The following LDLRAD3 variants were observed in gnomAD, a reference collection of about 807,000 sequenced individuals.
LDLRAD3 encodes the protein low-density lipoprotein receptor class A domain-containing protein 3.
LDLRAD3 carries 20 observed loss-of-function variants against 29.4 expected under a neutral mutation model. That is an observed-to-expected ratio of 0.68 (90% confidence interval 0.48 to 0.99). The LOEUF (loss-of-function observed/expected upper bound fraction) is 0.99. Among genes scored for constraint, LDLRAD3 ranks in the 50% least tolerant of loss-of-function variants. The pLI is 0.00. For missense variants in LDLRAD3, 420 were observed against 454.3 expected, an observed-to-expected ratio of 0.92 and a Z score of 0.69; for synonymous variants, 157 against 192.7, an observed-to-expected ratio of 0.81 and a Z score of 1.53.
intron 1 of LDLRAD3, among the ~76,000 whole-genome samples, chr11:36,002,384 G>T (rs1851835892): frequency 6.6e-6 from 1 of 152,178 alleles, no homozygotes; most frequent in Admixed American, 6.5e-5. Context: ...ACTGCTTTGT[G>T]CATGTGTTGT....
At chr11:35,996,822 T>C (rs1196614884) in intron 1 of LDLRAD3, among the ~76,000 whole-genome samples, 1 of 152,188 alleles carries the variant, frequency 6.6e-6, no homozygotes, top group Non-Finnish European at 1.5e-5. Flanking sequence ...TGCCAGCCCC[T>C]GTGCACAGTG....
At chr11:36,216,175 G>A (rs553709002) in intron 4 of LDLRAD3, among the ~76,000 whole-genome samples, 1 of 152,294 alleles carries the variant, frequency 6.6e-6, no homozygotes, top group South Asian at 2.1e-4. Context: ...TAAGATAGTT[G>A]TCTCTCAGCT....
At chr11:36,066,829 C>G (rs1247394090) in intron 2 of LDLRAD3, among the ~76,000 whole-genome samples, 1 of 152,176 alleles carries the variant, frequency 6.6e-6, no homozygotes, top group African/African-American at 2.4e-5. Flanking sequence ...TCAATAGCCT[C>G]ATGATATCTT....
intron 4 of LDLRAD3, among the ~76,000 whole-genome samples, chr11:36,174,015 G>C (rs541593704): frequency 1.3e-5 from 2 of 152,258 alleles, no homozygotes; most frequent in East Asian, 3.9e-4. Context: ...CCAAAACAGA[G>C]ATACAGACCA....
intron 1 of LDLRAD3, among the ~76,000 whole-genome samples, chr11:36,032,666 A>G (rs1291940155): frequency 6.6e-5 from 10 of 152,068 alleles, no homozygotes; most frequent in Admixed American, 5.9e-4. Flanking sequence ...TCTCCCCATC[A>G]TGACAACCCA....
intron 1 of LDLRAD3, among the ~76,000 whole-genome samples, chr11:35,946,529 A>T (rs1289377612): frequency 6.6e-6 from 1 of 152,122 alleles, no homozygotes. Flanking sequence ...CTATTTTTTA[A>T]TGTATCCTGC....
chr11:36,217,508 G>A (rs528087814), intron 4 of LDLRAD3, among the ~76,000 whole-genome samples: 3 of 152,340 alleles, frequency 2.0e-5, no homozygotes, highest in African/African-American at 7.2e-5. Context: ...GGTATAGGGA[G>A]TATTTGGGCA....
In LDLRAD3 at chr11:36,130,433, C is replaced by T. The variant is rs1486442790; in HGVS notation, c.454+31972C>T. Among the ~76,000 whole-genome samples the T allele has an allele frequency of 2.0e-5, 3 of 152,156 alleles. 1 individual carries two copies. Among genetic ancestry groups the T allele is most frequent in the Non-Finnish European group, 4.4e-5 (3 of 68,024 alleles). On this transcript the variant is annotated intron_variant, in intron 4 of 5. Coordinates refer to ENST00000315571, the MANE Select transcript of LDLRAD3 (RefSeq NM_174902.4). ...AAGTATTAAGATCCCAGCCTTGATCCTCAGGACAGCGTGAGGCCATCAAAA... is the reference window on the plus strand; with the variant it reads ...AAGTATTAAGATCCCAGCCTTGATCTTCAGGACAGCGTGAGGCCATCAAAA...
Position 36,190,125 on chromosome 11 carries a change from G to A in LDLRAD3, c.455-36960G>A, listed in dbSNP as rs1854919749. On this transcript the variant is annotated intron_variant, in intron 4 of 5. Coordinates refer to ENST00000315571, the MANE Select transcript of LDLRAD3 (RefSeq NM_174902.4). Reference sequence around the variant, plus strand: ...AGAAAAGCATTTTGGAGGGAAACAGGCTATATCAAGAGAAGGAAACTTAAA... The same window carrying A: ...AGAAAAGCATTTTGGAGGGAAACAGACTATATCAAGAGAAGGAAACTTAAA... Among the ~76,000 whole-genome samples, 3 of 151,966 alleles carry A rather than the reference G, an allele frequency of 2.0e-5. No individual in the cohort carries two copies. In the South Asian group the frequency reaches 6.2e-4, roughly 32 times the overall value.
chr11:35,982,318 C>T (rs1318808609), intron 1 of LDLRAD3, among the ~76,000 whole-genome samples: 1 of 152,092 alleles, frequency 6.6e-6, no homozygotes, highest in African/African-American at 2.4e-5. Context: ...ACATTATGTT[C>T]TCTGTGTGTC....
chr11:36,168,925 C>G, intron 4 of LDLRAD3, among the ~76,000 whole-genome samples: 1 of 152,288 alleles, frequency 6.6e-6, no homozygotes, highest in Admixed American at 6.5e-5. Context: ...CCACATCATG[C>G]TTTGAGCTGA....
At chr11:36,203,233 G>T (rs1189250792) in intron 4 of LDLRAD3, among the ~76,000 whole-genome samples, 1 of 152,150 alleles carries the variant, frequency 6.6e-6, no homozygotes, top group Non-Finnish European at 1.5e-5. Context: ...CTCCAAAAGT[G>T]CTGAGATTAC....
At chr11:36,158,226 G>A (rs1854382390) in intron 4 of LDLRAD3, among the ~76,000 whole-genome samples, 2 of 152,286 alleles carry the variant, frequency 1.3e-5, no homozygotes, top group South Asian at 4.2e-4. Context: ...CCTCAGCTGT[G>A]AGAGTTCCAG....
chr11:35,994,283 G>A (rs1276728109), intron 1 of LDLRAD3, among the ~76,000 whole-genome samples: 1 of 140,396 alleles, frequency 7.1e-6, no homozygotes, highest in Non-Finnish European at 1.5e-5. Context: ...CTTGCAGTGA[G>A]CCGAGATAGT....
At chr11:35,979,287 A>G (rs1358504311) in intron 1 of LDLRAD3, among the ~76,000 whole-genome samples, 1 of 152,096 alleles carries the variant, frequency 6.6e-6, no homozygotes, top group Non-Finnish European at 1.5e-5. Context: ...AGGCTTGACT[A>G]GGTGGAAGAG....
intron 3 of LDLRAD3, among the ~76,000 whole-genome samples, chr11:36,091,598 G>A (rs995035221): frequency 1.3e-5 from 2 of 152,110 alleles, no homozygotes; most frequent in African/African-American, 4.8e-5. Context: ...TAACCAAGGA[G>A]CTTTTGAGCC....
intron 4 of LDLRAD3, among the ~76,000 whole-genome samples, chr11:36,224,016 T>C (rs1444548177): frequency 6.6e-6 from 1 of 151,106 alleles, no homozygotes; most frequent in African/African-American, 2.4e-5. Flanking sequence ...CACTGAACTG[T>C]GCACTTTAAA....
intron 4 of LDLRAD3, among the ~76,000 whole-genome samples, chr11:36,215,364 T>G (rs1333068822): frequency 6.6e-6 from 1 of 152,284 alleles, no homozygotes; most frequent in Non-Finnish European, 1.5e-5. Flanking sequence ...AACAGATGAA[T>G]GTTTTTAGAA....
chr11:36,064,324 C>T (rs1852755117), intron 2 of LDLRAD3, among the ~76,000 whole-genome samples: 2 of 151,878 alleles, frequency 1.3e-5, no homozygotes, highest in South Asian at 4.2e-4. Context: ...ATTTTTGAGA[C>T]AGGATCTCAC....
Sources: allele counts gnomAD v4.1 joint callset (sites outside exome capture counted in the v4.1 genomes callset), GRCh38; gene constraint gnomAD v4.1.1; transcripts MANE v1.5; gene names NCBI Gene and HGNC (gene_info 2026-07-23, HGNC 2026-07-21).